The following PDGFRL variants were observed in gnomAD, a reference collection of about 807,000 sequenced individuals.
PDGFRL encodes platelet derived growth factor receptor like.
PDGFRL carries 46 observed loss-of-function variants against 37.2 expected under a neutral mutation model. The ratio of observed to expected loss-of-function variants is 1.24; its 90% CI spans 0.98 to 1.58. PDGFRL has a LOEUF of 1.58. Among genes scored for constraint, PDGFRL ranks in the 40% most tolerant of loss-of-function variants. The pLI, the probability that PDGFRL is intolerant of heterozygous loss-of-function variation, is 0.00. For synonymous variants in PDGFRL, 251 were observed against 184.3 expected (o/e 1.36, Z -2.93); for missense variants, 692 against 467.6 (o/e 1.48, Z -4.43).
intron 2 of PDGFRL, among the ~76,000 whole-genome samples, chr8:17,609,246 C>T (rs115974398): frequency 0.021 from 3,244 of 151,656 alleles, 116 homozygotes; most frequent in African/African-American, 0.073. Flanking sequence ...GTGGCTCATT[C>T]CTGTAATGCC....
chr8:17,582,714 G>A lies in PDGFRL; in HGVS notation c.55+5407G>A, dbSNP rs986736838. On this transcript the variant is annotated intron_variant, in intron 1 of 5. Transcript: ENST00000251630. ...AAATCTGAAGCCTGGCCATGTGGCA[G>A]AGAATGAAAGAGCATTTTGGGAAAA... 2.0e-4 allele frequency among the ~76,000 whole-genome samples: 31 copies of A among 152,172 alleles called. 1 individual carries two copies. The highest frequency in any genetic ancestry group is 7.0e-4 in the African/African-American group (29 of 41,418).
chr8:17,600,154 C>T (rs550903887), intron 2 of PDGFRL, among the ~76,000 whole-genome samples: 2 of 152,262 alleles, frequency 1.3e-5, no homozygotes, highest in South Asian at 4.2e-4. Context: ...CTCTACCTGG[C>T]TCCTGGCCCC....
At chr8:17,632,071 A>G (rs1804873195) in intron 4 of PDGFRL, among the ~76,000 whole-genome samples, 1 of 152,062 alleles carries the variant, frequency 6.6e-6, no homozygotes, top group Admixed American at 6.5e-5. Context: ...TCCTCCCTGG[A>G]CCTGGTTCTT....
At chr8:17,599,214 C>A (rs563198819) in intron 2 of PDGFRL, among the ~76,000 whole-genome samples, 12 of 152,130 alleles carry the variant, frequency 7.9e-5, no homozygotes, top group Non-Finnish European at 1.8e-4. Context: ...TGTGAGCCAT[C>A]AGATCCTGGT....
intron 2 of PDGFRL, among the ~76,000 whole-genome samples, chr8:17,595,762 G>T (rs181967396): frequency 6.6e-6 from 1 of 152,352 alleles, no homozygotes; most frequent in African/African-American, 2.4e-5. Flanking sequence ...TTATGGGGCT[G>T]TTGAGGAGTT....
intron 2 of PDGFRL, among the ~76,000 whole-genome samples, chr8:17,604,999 C>T (rs1176207378): frequency 2.0e-5 from 3 of 151,840 alleles, no homozygotes; most frequent in African/African-American, 4.8e-5. Context: ...TGCCTATAGT[C>T]GTAGCTACCT....
intron 4 of PDGFRL, among the ~76,000 whole-genome samples, chr8:17,631,422 T>C (rs1421453712): frequency 6.6e-6 from 1 of 152,122 alleles, no homozygotes; most frequent in Non-Finnish European, 1.5e-5. Context: ...AGTTAGAATT[T>C]GGGTTCTGTC....
At chr8:17,602,256 C>G (rs1804181712) in intron 2 of PDGFRL, among the ~76,000 whole-genome samples, 1 of 152,160 alleles carries the variant, frequency 6.6e-6, no homozygotes, top group African/African-American at 2.4e-5. Flanking sequence ...GAGGAAGCCC[C>G]ACTTTTTGAC....
intron 1 of PDGFRL, among the ~76,000 whole-genome samples, chr8:17,583,631 C>A (rs57674004): frequency 0.033 from 5,000 of 152,124 alleles, 274 homozygotes; most frequent in South Asian, 0.17. Context: ...ATTTGATCAC[C>A]AGTGTTGGTG....
intron 2 of PDGFRL, among the ~76,000 whole-genome samples, chr8:17,611,161 C>A (rs947470334): frequency 1.3e-5 from 2 of 152,182 alleles, no homozygotes; most frequent in Non-Finnish European, 1.5e-5. Flanking sequence ...GGCCTTGTAA[C>A]CTTGGATGAG....
chr8:17,592,453 C>G lies in PDGFRL; in HGVS notation c.353+2688C>G, dbSNP rs17689408. 1.3e-3 allele frequency among the ~76,000 whole-genome samples: 200 copies of G among 152,286 alleles called. 6 individuals carry two copies. The East Asian group carries it at 0.032, about 24-fold the overall frequency. On this transcript the variant is annotated intron_variant, in intron 2 of 5. Coordinates refer to ENST00000251630, the MANE Select transcript of PDGFRL (RefSeq NM_001372073.1). ...CAGAGTTCAGCGTGTGGCTTCCCTGCTCACCACTCGGTGGATGCCCTTGGG... is the reference window on the plus strand; with the variant it reads ...CAGAGTTCAGCGTGTGGCTTCCCTGGTCACCACTCGGTGGATGCCCTTGGG...
intron 1 of PDGFRL, among the ~76,000 whole-genome samples, chr8:17,584,322 A>C (rs1482805148): frequency 6.6e-6 from 1 of 152,178 alleles, no homozygotes; most frequent in African/African-American, 2.4e-5. Context: ...GGAGATGCTA[A>C]CTTTGACATG....
At chr8:17,618,021 C>G (rs570736258) in intron 2 of PDGFRL, among the ~76,000 whole-genome samples, 3 of 151,836 alleles carry the variant, frequency 2.0e-5, no homozygotes, top group African/African-American at 7.2e-5. Flanking sequence ...TTGCTGAAAT[C>G]TAGCTTCATC....
At chr8:17,633,988 C>A in intron 4 of PDGFRL, 86 bp from the exon 5 acceptor site, 1 of 1,323,788 alleles carries the variant, frequency 7.6e-7, no homozygotes, top group Non-Finnish European at 1.1e-6. Context: ...AATTCCATCT[C>A]TCTCCATGGA....
Position 17,589,782 on chromosome 8 carries a change from A to G in PDGFRL, c.353+17A>G. ...TCGCCTCAGGTAAGCATTTTTTTTT[A>G]AAACTGTGTAGGGTTGAGGATTTGT... On this transcript the variant is annotated intron_variant, in intron 2 of 5. Transcript: ENST00000251630. 6.7e-7 allele frequency: 1 copy of G among 1,494,502 alleles called. No homozygotes were observed. The highest frequency in any genetic ancestry group is 9.2e-7 in the Non-Finnish European group (1 of 1,087,736). 92.6% of individuals were successfully genotyped at this position (1,494,502 alleles called of 1,614,324 possible).
chr8:17,626,330 T>G (rs1332353610), intron 3 of PDGFRL, among the ~76,000 whole-genome samples: 2 of 152,136 alleles, frequency 1.3e-5, no homozygotes, highest in Admixed American at 1.3e-4. Flanking sequence ...GAAAGCCAAT[T>G]TCTTATGAAG....
intron 1 of PDGFRL, among the ~76,000 whole-genome samples, chr8:17,586,667 T>TGCC (rs1803824563): frequency 6.6e-6 from 1 of 152,146 alleles, no homozygotes; most frequent in Non-Finnish European, 1.5e-5. Context: ...AGCACTTAGC[T>TGCC]AGCAATCACT....
chr8:17,605,873 C>T (rs1223260903), intron 2 of PDGFRL, among the ~76,000 whole-genome samples: 1 of 152,056 alleles, frequency 6.6e-6, no homozygotes, highest in East Asian at 1.9e-4. Flanking sequence ...GCTGGCTCCT[C>T]GGAAAACAAT....
intron 5 of PDGFRL, among the ~76,000 whole-genome samples, chr8:17,635,767 A>G (rs1254709439): frequency 1.3e-5 from 2 of 152,206 alleles, no homozygotes; most frequent in African/African-American, 2.4e-5. Context: ...CCTTTTCACC[A>G]CATCCATGCC....
Sources: allele counts gnomAD v4.1 joint callset (sites outside exome capture counted in the v4.1 genomes callset), GRCh38; gene constraint gnomAD v4.1.1; transcripts MANE v1.5; gene names NCBI Gene and HGNC (gene_info 2026-07-23, HGNC 2026-07-21).